The following GNAS variants were observed in gnomAD, a reference collection of about 807,000 sequenced individuals.
The protein encoded by GNAS is protein ALEX.
A neutral mutation model predicts 54.5 loss-of-function variants in GNAS; 8 were observed. The ratio of observed to expected loss-of-function variants is 0.15; its 90% CI spans 0.09 to 0.26. The LOEUF (loss-of-function observed/expected upper bound fraction) is 0.26, where lower values mean the gene tolerates loss of function less well. Among genes scored for constraint, GNAS ranks in the 10% least tolerant of loss-of-function variants. GNAS has a pLI of 1.00. For missense variants in GNAS, 170 were observed against 529.8 expected (o/e 0.32, Z 6.67); for synonymous variants, 204 against 191.4 (o/e 1.07, Z -0.54).
chr20:58,887,478 C>A (rs1356325518), upstream of GNAS, among the ~76,000 whole-genome samples: 1 of 152,220 alleles, frequency 6.6e-6, no homozygotes, highest in Non-Finnish European at 1.5e-5. Context: ...ATCACTAGTA[C>A]AGGCAGCCTA....
In GNAS at chr20:58,910,337, C is replaced by T. The variant is rs1601169209; in HGVS notation, c.974C>T (p.Thr325Ile). 1.2e-6 allele frequency: 2 copies of T among 1,607,140 alleles called. No homozygotes were observed. Among genetic ancestry groups the T allele is most frequent in the Non-Finnish European group, 1.7e-6 (2 of 1,173,664 alleles). ...TATGTATTCCCTTTTTATATAGCTACTCCCGAGCCCGGAGAGGACCCACGC... is the reference window on the plus strand; with the variant it reads ...TATGTATTCCCTTTTTATATAGCTATTCCCGAGCCCGGAGAGGACCCACGC... ...FARYTTPEDATPEPGEDPRVT... is the reference protein window; with the variant it reads ...FARYTTPEDAIPEPGEDPRVT... Residue 325 changes from threonine to isoleucine, a missense_variant, in exon 12 of 13, where the codon ACT becomes ATT. This residue lies in a region of GNAS where 36 missense variants were observed against 223.0 expected (regional missense o/e 0.16). Transcript: ENST00000371085. This position sits in a 1 kb window ranked among gnomAD's most constrained non-coding sequence, Gnocchi z 5.8.
chr20:58,879,652 A>G (rs1301647690), intron 1 of GNAS, among the ~76,000 whole-genome samples: 1 of 152,156 alleles, frequency 6.6e-6, no homozygotes, highest in African/African-American at 2.4e-5. Flanking sequence ...CACACAAACA[A>G]GGTGTGGGGG....
Position 58,853,883 on chromosome 20 carries a change from G to T in GNAS, c.43+12997G>T. ...CTCCCGAGGAGCCCCAAGCCCTCAG[G>T]CCTGCAAAGGCTGGCTCCAGAGGAG... On this transcript the variant is annotated intron_variant, in intron 1 of 12. Coordinates refer to the GNAS transcript ENST00000306090. The surrounding 1 kb of genome is among the most constrained non-coding windows in gnomAD (Gnocchi z 4.4). The T allele has an allele frequency of 6.3e-7, 1 of 1,598,416 alleles. No individual in the cohort carries two copies. Among genetic ancestry groups the T allele is most frequent in the Non-Finnish European group, 8.5e-7 (1 of 1,173,034 alleles).
rs1329235589 is a variant in GNAS, at chr20:58,891,540, C to T, written c.-187C>T. On this transcript the variant is annotated 5_prime_UTR_variant, in exon 1 of 13. Coordinates refer to ENST00000371085, the MANE Select transcript of GNAS (RefSeq NM_000516.7). ...CCCCTCGGTCCGACCGACACCCTCC[C>T]CTTCCCGCCCGTCCGCGCGCCCCGC... The T allele has an allele frequency of 3.1e-6, 3 of 975,964 alleles. No individual in the cohort carries two copies. Among genetic ancestry groups the T allele is most frequent in the East Asian group, 2.3e-4 (2 of 8,522 alleles). 60.5% of individuals were successfully genotyped at this position (975,964 alleles called of 1,614,324 possible). A position where few individuals can be genotyped will look rare whatever the true frequency, so the allele number is the denominator to read the frequency against.
At chr20:58,842,257 C>T in intron 1 of GNAS, 1 of 398,336 alleles carries the variant, frequency 2.5e-6, no homozygotes, top group Non-Finnish European at 4.4e-6. Flanking sequence ...TTTAAAAAAT[C>T]TCATCCGACT....
rs539276950 is a variant in GNAS, at chr20:58,909,931, C to T, written c.840-20C>T. 6.2e-7 allele frequency: 1 copy of T among 1,614,060 alleles called. No homozygotes were observed. ...AAAGCGCGCTTCTCCCAAGCATTCA[C>T]ACGGCCTCCCTTCTTGTAGATGGCT... On this transcript the variant is annotated intron_variant, in intron 10 of 12. Transcript: ENST00000371085. This position sits in a 1 kb window ranked among gnomAD's most constrained non-coding sequence, Gnocchi z 7.3.
intron 1 of GNAS, among the ~76,000 whole-genome samples, chr20:58,846,983 T>C (rs1356950250): frequency 1.3e-5 from 2 of 152,194 alleles, no homozygotes; most frequent in African/African-American, 4.8e-5. Flanking sequence ...TGTTCATCTT[T>C]TCTGGAATGG....
chr20:58,854,043 G>T lies in GNAS; in HGVS notation c.43+13157G>T, dbSNP rs375347414. ...CAGCAGCCAGTTCGCGGCAGTCGCGGCCTCGAGTGCGGTCCGCCTCACTCC... is the reference window on the plus strand; with the variant it reads ...CAGCAGCCAGTTCGCGGCAGTCGCGTCCTCGAGTGCGGTCCGCCTCACTCC... On this transcript the variant is annotated intron_variant, in intron 1 of 12. Coordinates refer to the GNAS transcript ENST00000306090. 12 of 1,610,988 alleles carry T rather than the reference G, an allele frequency of 7.4e-6. No individual in the cohort carries two copies. The highest frequency in any genetic ancestry group is 2.7e-5 in the African/African-American group (2 of 75,060).
chr20:58,875,568 G>A (rs1482954333), intron 1 of GNAS, among the ~76,000 whole-genome samples: 1 of 152,164 alleles, frequency 6.6e-6, no homozygotes, highest in Non-Finnish European at 1.5e-5. Flanking sequence ...CTGCCTAGCA[G>A]CCCTCTAAGC....
intron 1 of GNAS, among the ~76,000 whole-genome samples, chr20:58,874,383 T>A (rs902830921): frequency 5.9e-5 from 9 of 152,246 alleles, no homozygotes; most frequent in Admixed American, 2.0e-4. Flanking sequence ...TAAAATTCTC[T>A]TAGGAAGATG....
chr20:58,897,183 A>T (rs1026314578), intron 2 of GNAS, among the ~76,000 whole-genome samples: 2 of 152,210 alleles, frequency 1.3e-5, no homozygotes, highest in Admixed American at 6.5e-5. Flanking sequence ...CATACGTGCT[A>T]TTGAGTAAGT....
At chr20:58,868,746 A>G (rs2087227874) in intron 1 of GNAS, among the ~76,000 whole-genome samples, 1 of 152,040 alleles carries the variant, frequency 6.6e-6, no homozygotes, top group Non-Finnish European at 1.5e-5. Context: ...TCTAAGATTT[A>G]TTTTTAAATG....
chr20:58,890,165 G>C (rs1318685623), upstream of GNAS, among the ~76,000 whole-genome samples: 1 of 151,844 alleles, frequency 6.6e-6, no homozygotes, highest in African/African-American at 2.4e-5. Context: ...AGAAGAAGAA[G>C]GAGAAGGAGA....
rs763257494 is a variant in GNAS, at chr20:58,853,423, C to T, written c.43+12537C>T. ...CCAGCCGAAGAGATGGAGACCGAAC[C>T]GCCTCACAACGAGCCCATCCCCGTC... On this transcript the variant is annotated intron_variant, in intron 1 of 12. Coordinates refer to the GNAS transcript ENST00000306090. This position sits in a 1 kb window ranked among gnomAD's most constrained non-coding sequence, Gnocchi z 4.4. 3.1e-6 allele frequency: 5 copies of T among 1,596,500 alleles called. No individual in the cohort carries two copies. In the Admixed American group the frequency reaches 5.2e-5, roughly 17 times the overall value.
rs1475842147 is a variant in GNAS, at chr20:58,863,093, A to G, written c.43+22207A>G. Among the ~76,000 whole-genome samples the G allele has an allele frequency of 6.6e-6, 1 of 152,226 alleles. No homozygotes were observed. The highest frequency in any genetic ancestry group is 1.5e-5 in the Non-Finnish European group (1 of 68,046). On this transcript the variant is annotated intron_variant, in intron 1 of 12. Transcript: ENST00000306090. This position sits in a 1 kb window ranked among gnomAD's most constrained non-coding sequence, Gnocchi z 4.1. ...AGAAAGAGGTAGGGAACAACACAAC[A>G]AAACAATGTTTGACTTTTCATTATG... is the stretch of plus-strand genomic sequence containing the variant.
intron 1 of GNAS, chr20:58,855,759 C>T: frequency 1.6e-6 from 1 of 619,098 alleles, no homozygotes; most frequent in Non-Finnish European, 2.9e-6. Context: ...CCTCGCCTGG[C>T]ACGGCTGCTT....
upstream of GNAS, among the ~76,000 whole-genome samples, chr20:58,890,111 C>T (rs990857555): frequency 6.6e-6 from 1 of 151,578 alleles, no homozygotes; most frequent in Admixed American, 6.6e-5. Context: ...ACAAGGAGCG[C>T]AAGAAGCTCG....
In GNAS at chr20:58,854,492, AGATCCCGACTCCGGGACAGCACCAGCC is replaced by A. The variant is rs587778382; in HGVS notation, c.43+13612_43+13638del. 1,336 of 1,578,852 alleles carry A rather than the reference AGATCCCGACTCCGGGACAGCACCAGCC, an allele frequency of 8.5e-4. 7 individuals are homozygous for A. The African/African-American group carries it at 0.011, about 13-fold the overall frequency. On this transcript the variant is annotated intron_variant, in intron 1 of 12. Transcript: ENST00000306090. ...ATCCTGACTCCGGGGCAACCCCAGAAGATCCCGACTCCGGGACAGCACCAGCCGATCCTGACTCCGGGGCATTCGCAG... is the reference window on the plus strand; with the variant it reads ...ATCCTGACTCCGGGGCAACCCCAGAAGATCCTGACTCCGGGGCATTCGCAG...
Position 58,909,602 on chromosome 20 carries a change from G to A in GNAS, c.718+23G>A, listed in dbSNP as rs2146281106. 1 of 1,614,156 alleles carries A rather than the reference G, an allele frequency of 6.2e-7. No homozygotes were observed. Among genetic ancestry groups the A allele is most frequent in the Non-Finnish European group, 8.5e-7 (1 of 1,179,978 alleles). On this transcript the variant is annotated intron_variant, in intron 9 of 12. Coordinates refer to ENST00000371085, the MANE Select transcript of GNAS (RefSeq NM_000516.7). The surrounding 1 kb of genome is among the most constrained non-coding windows in gnomAD (Gnocchi z 7.3). ...ACGGTAGGATGCTGTGGGCTTGGCTGTTCGTAAAGAACGCTTTGCTTCTGT... is the reference window on the plus strand; with the variant it reads ...ACGGTAGGATGCTGTGGGCTTGGCTATTCGTAAAGAACGCTTTGCTTCTGT...
Sources: gnomAD v4.1 joint callset for allele counts (sites outside exome capture counted in the v4.1 genomes callset) on GRCh38, gnomAD v4.1.1 for gene constraint, gnomAD v4.1.1 regional missense constraint, Gnocchi (gnomAD v3.1) non-coding constraint, MANE v1.5 for transcripts, NCBI Gene and HGNC (gene_info 2026-07-23, HGNC 2026-07-21) for gene names.